HEPHL1: variants seen among roughly 807,000 people sequenced by gnomAD.
HEPHL1 encodes the protein hephaestin like 1, also known as ferroxidase HEPHL1.
A neutral mutation model predicts 122.0 loss-of-function variants in HEPHL1; 123 were observed. The observed-to-expected ratio is 1.01, with a 90% CI of 0.87 to 1.17. The LOEUF (loss-of-function observed/expected upper bound fraction) is 1.17, where lower values mean the gene tolerates loss of function less well. Among genes scored for constraint, HEPHL1 ranks in the 50% most tolerant of loss-of-function variants. HEPHL1 has a pLI of 0.00. For missense variants in HEPHL1, 1,452 were observed against 1,430.5 expected, an observed-to-expected ratio of 1.01 and a Z score of -0.24; for synonymous variants, 527 against 508.9, an observed-to-expected ratio of 1.04 and a Z score of -0.48.
At chr11:94,037,899 G>C (rs1429946767) in intron 1 of HEPHL1, among the ~76,000 whole-genome samples, 1 of 151,808 alleles carries the variant, frequency 6.6e-6, no homozygotes, top group Middle Eastern at 3.4e-3. Flanking sequence ...ACAGAAGAAG[G>C]CTTCAGACGA....
chr11:94,065,681 A>T (rs35745312), intron 4 of HEPHL1, among the ~76,000 whole-genome samples: 146 of 152,312 alleles, frequency 9.6e-4, no homozygotes, highest in African/African-American at 3.1e-3. Context: ...TGAAGACATA[A>T]ATTCAAATCA....
rs1946454709 is a variant in HEPHL1 at position 94,112,027 on chromosome 11, T to C, written c.*133T>C. The C allele has an allele frequency of 1.9e-6, 1 of 540,118 alleles. No individual in the cohort carries two copies. The highest frequency in any genetic ancestry group is 2.9e-5 in the Admixed American group (1 of 34,340). 33.5% of individuals were successfully genotyped at this position (540,118 alleles called of 1,614,324 possible). On this transcript the variant is annotated 3_prime_UTR_variant, in exon 20 of 20. Coordinates refer to ENST00000315765, the MANE Select transcript of HEPHL1 (RefSeq NM_001098672.2). ...GTATCCTGGATCAGCCTTCTGATCC[T>C]CTCAAACATCATCCAAAGCAATTTG...
chr11:94,037,284 G>T lies in HEPHL1; in HGVS notation c.171-8389G>T, dbSNP rs1228647291. Among the ~76,000 whole-genome samples, 5 of 152,052 alleles carry T rather than the reference G, an allele frequency of 3.3e-5. No homozygotes were observed. In the South Asian group the frequency reaches 6.2e-4, roughly 19 times the overall value. ...GATCAAACTGCAAGGCGGCAGCGAG[G>T]CTGGGGGAGGGGCGCCCGCCATTGC... On this transcript the variant is annotated intron_variant, in intron 1 of 19. Transcript: ENST00000315765.
intron 8 of HEPHL1, 121 bp downstream of exon 8, chr11:94,073,560 C>T (rs1946096333): frequency 2.2e-6 from 2 of 916,522 alleles, no homozygotes; most frequent in Non-Finnish European, 3.3e-6. Flanking sequence ...TGGGCAATCA[C>T]TTAAACTTTC....
chr11:94,084,621 T>C (rs1210529750), intron 10 of HEPHL1, among the ~76,000 whole-genome samples: 1 of 152,180 alleles, frequency 6.6e-6, no homozygotes, highest in East Asian at 1.9e-4. Flanking sequence ...TGAGTGACTG[T>C]TGTAGAAAGA....
At chr11:94,090,844 T>A (rs375069983) in intron 12 of HEPHL1, among the ~76,000 whole-genome samples, 21 of 152,240 alleles carry the variant, frequency 1.4e-4, no homozygotes, top group African/African-American at 4.6e-4. Context: ...ATTATCCTGG[T>A]CAGCACAGGC....
intron 13 of HEPHL1, among the ~76,000 whole-genome samples, chr11:94,096,415 C>T (rs1006998459): frequency 5.3e-5 from 8 of 152,072 alleles, no homozygotes; most frequent in South Asian, 2.1e-4. Context: ...CTGCTGGATT[C>T]GTTTGCCAGT....
intron 2 of HEPHL1, among the ~76,000 whole-genome samples, chr11:94,047,467 TTC>T (rs1668151848): frequency 6.6e-6 from 1 of 152,214 alleles, no homozygotes; most frequent in South Asian, 2.1e-4. Context: ...ATATTTGGTT[TTC>T]TCTTCCTGTG....
chr11:94,101,557 C>A (rs1336152223), intron 14 of HEPHL1, among the ~76,000 whole-genome samples: 1 of 152,152 alleles, frequency 6.6e-6, no homozygotes, highest in African/African-American at 2.4e-5. Flanking sequence ...TCAACATCCC[C>A]CACCAGAGTA....
At position 94,109,238 on chromosome 11, in the gene HEPHL1, T is replaced by C. The variant is rs114268831; in HGVS notation, c.3046-1665T>C. On this transcript the variant is annotated intron_variant, in intron 17 of 19. Transcript: ENST00000315765. Reference sequence around the variant, plus strand: ...TCCTGCATCTTTGCTAAACTCACTTTAGTTCCAATAGTTTTCCTATAGATT... The same window carrying C: ...TCCTGCATCTTTGCTAAACTCACTTCAGTTCCAATAGTTTTCCTATAGATT... Among the ~76,000 whole-genome samples, 241 of 152,316 alleles carry C rather than the reference T, an allele frequency of 1.6e-3. 2 individuals are homozygous for C. Among genetic ancestry groups the C allele is most frequent in the African/African-American group, 5.5e-3 (228 of 41,592 alleles).
chr11:94,082,482 T>C lies in HEPHL1; in HGVS notation c.1781T>C (p.Phe594Ser), dbSNP rs1326275013. The C allele has an allele frequency of 6.2e-7, 1 of 1,612,934 alleles. No individual in the cohort carries two copies. The highest frequency in any genetic ancestry group is 1.3e-5 in the African/African-American group (1 of 75,030). The change falls in exon 10 of 20, where the codon TTT (phenylalanine) becomes TCT (serine). Residue 594 changes from phenylalanine to serine, a missense_variant. By Grantham distance (155) the Phe-to-Ser change is radical. Transcript: ENST00000315765. ...TVFDENLSRY[F>S]DENIQKFIWH... is the part of the protein sequence containing the mutation. Reference sequence around the variant, plus strand: ...TTTGATGAGAATCTGAGCAGATATTTTGATGAAAACATTCAGAAGTTTATC... The same window carrying C: ...TTTGATGAGAATCTGAGCAGATATTCTGATGAAAACATTCAGAAGTTTATC...
chr11:94,075,438 C>G lies in HEPHL1; in HGVS notation c.1716+53C>G. The G allele has an allele frequency of 3.1e-6, 4 of 1,283,376 alleles. No individual in the cohort carries two copies. In the South Asian group the frequency reaches 3.7e-5, roughly 12 times the overall value. The allele number at this position is 1,283,376 out of a possible 1,614,324, so 79.5% of individuals were successfully genotyped here. A position where few individuals can be genotyped will look rare whatever the true frequency, so the allele number is the denominator to read the frequency against. ...CTCAGGGTTGTATGTGGGAGAGATC[C>G]GCAAGAGCCAGAGACGAGACAGGAA... On this transcript the variant is annotated intron_variant, in intron 9 of 19. Coordinates refer to ENST00000315765, the MANE Select transcript of HEPHL1 (RefSeq NM_001098672.2).
intron 1 of HEPHL1, among the ~76,000 whole-genome samples, chr11:94,022,585 G>A (rs907085570): frequency 5.3e-5 from 8 of 152,322 alleles, no homozygotes; most frequent in South Asian, 2.1e-4. Context: ...AACAAAGGTG[G>A]TATAGTCATG....
chr11:94,042,883 A>AAAAAACAAAAAACAAAC (rs11271749), intron 1 of HEPHL1, among the ~76,000 whole-genome samples: 47,460 of 132,232 alleles, frequency 0.36, 9,819 homozygotes, highest in South Asian at 0.46. Flanking sequence ...AATAAAAAAA[A>AAAAAACAAAAAACAAAC]AAAAAAAAAA....
At chr11:94,064,090 T>G (rs1045018040) in intron 3 of HEPHL1, among the ~76,000 whole-genome samples, 4 of 152,262 alleles carry the variant, frequency 2.6e-5, no homozygotes, top group African/African-American at 4.8e-5. Flanking sequence ...GTCAATAAAA[T>G]GGACTCCCTT....
intron 18 of HEPHL1, among the ~76,000 whole-genome samples, 188 bp from the exon 19 acceptor site, chr11:94,111,349 G>C (rs1303859122): frequency 1.3e-5 from 2 of 152,168 alleles, no homozygotes; most frequent in East Asian, 3.9e-4. Context: ...CAGTGGGTGA[G>C]CAGAAGTGGG....
chr11:94,104,564 T>C lies in HEPHL1; in HGVS notation c.2719T>C (p.Cys907Arg), dbSNP rs1737861193. The C allele has an allele frequency of 6.2e-7, 1 of 1,613,908 alleles. No individual in the cohort carries two copies. The highest frequency in any genetic ancestry group is 8.5e-7 in the Non-Finnish European group (1 of 1,179,806). ...YSGLMGPLIT[C>R]RKGVLNEKGR... ...TGGTTTGATGGGTCCTCTGATTACA[T>C]GCCGAAAAGGAGTCTTGAATGAAAA... The change falls in exon 16 of 20, where the codon TGC becomes CGC. Residue 907 changes from cysteine to arginine, a missense_variant. By Grantham distance (180) the Cys-to-Arg change is radical (BLOSUM62 -3). Coordinates refer to ENST00000315765, the MANE Select transcript of HEPHL1 (RefSeq NM_001098672.2).
intron 4 of HEPHL1, among the ~76,000 whole-genome samples, chr11:94,065,911 C>T (rs1338944880): frequency 6.6e-6 from 1 of 152,188 alleles, no homozygotes; most frequent in Non-Finnish European, 1.5e-5. Context: ...TGTCCAGGCA[C>T]AATGGCTCAT....
At chr11:94,109,602 T>C (rs1479978914) in intron 17 of HEPHL1, among the ~76,000 whole-genome samples, 1 of 152,234 alleles carries the variant, frequency 6.6e-6, no homozygotes, top group Admixed American at 6.5e-5. Context: ...ATTGAGATGA[T>C]CAGATGCTTT....
Sources: gnomAD v4.1 joint callset for allele counts (sites outside exome capture counted in the v4.1 genomes callset) on GRCh38, gnomAD v4.1.1 for gene constraint, MANE v1.5 for transcripts, NCBI Gene and HGNC (gene_info 2026-07-23, HGNC 2026-07-21) for gene names.